ACSS3: variants seen among roughly 807,000 people sequenced by gnomAD.
ACSS3 encodes the protein acyl-CoA synthetase short-chain family member 3, mitochondrial.
In ACSS3, 64 loss-of-function variants were observed where a neutral mutation model predicts 84.2. The observed-to-expected ratio is 0.76, with a 90% CI of 0.62 to 0.94. The LOEUF is 0.94. Among genes scored for constraint, ACSS3 ranks in the 40% least tolerant of loss-of-function variants. The pLI is 0.00. For synonymous variants in ACSS3, 317 were observed against 310.1 expected (o/e 1.02, Z -0.23); for missense variants, 815 against 867.6 (o/e 0.94, Z 0.76).
chr12:81,225,935 T>C (rs2033259601), intron 11 of ACSS3, among the ~76,000 whole-genome samples: 2 of 151,864 alleles, frequency 1.3e-5, no homozygotes, highest in Admixed American at 6.6e-5. Flanking sequence ...ATCCTCTCTC[T>C]CCACTGGCTA....
intron 13 of ACSS3, among the ~76,000 whole-genome samples, chr12:81,251,041 C>T (rs1408437877): frequency 6.6e-6 from 1 of 152,152 alleles, no homozygotes; most frequent in Non-Finnish European, 1.5e-5. Context: ...GTCACCCACT[C>T]TCAACAATTC....
At chr12:81,165,798 AT>A (rs1887375079) in intron 7 of ACSS3, among the ~76,000 whole-genome samples, 1 of 152,196 alleles carries the variant, frequency 6.6e-6, no homozygotes, top group Admixed American at 6.5e-5. Flanking sequence ...TAACTCTTGC[AT>A]GCTGGCTTAA....
At chr12:81,181,435 T>G (rs952899386) in intron 8 of ACSS3, among the ~76,000 whole-genome samples, 7 of 152,140 alleles carry the variant, frequency 4.6e-5, no homozygotes, top group African/African-American at 1.7e-4. Flanking sequence ...AAGAGGAGAC[T>G]GTACCAGAAG....
intron 1 of ACSS3, among the ~76,000 whole-genome samples, chr12:81,100,260 T>C (rs1277433666): frequency 2.1e-5 from 3 of 144,136 alleles, no homozygotes; most frequent in Non-Finnish European, 4.5e-5. Context: ...CTTGCCATGT[T>C]GCCCAGGCTG....
intron 1 of ACSS3, among the ~76,000 whole-genome samples, chr12:81,093,957 C>T (rs1881846814): frequency 6.6e-6 from 1 of 151,784 alleles, no homozygotes; most frequent in Non-Finnish European, 1.5e-5. Context: ...CATTTTTTTT[C>T]ACTTGTAAGA....
Position 81,119,065 on chromosome 12 carries a change from T to C in ACSS3, c.456+9361T>C, listed in dbSNP as rs558219404. ...CGATCTGAGAAATAAAGAGAAAGAGTACAAAGAGAGGAATTTTACAGCCGG... is the reference window on the plus strand; with the variant it reads ...CGATCTGAGAAATAAAGAGAAAGAGCACAAAGAGAGGAATTTTACAGCCGG... On this transcript the variant is annotated intron_variant, in intron 2 of 15. Transcript: ENST00000548058. Among the ~76,000 whole-genome samples, 120 of 151,720 alleles carry C rather than the reference T, an allele frequency of 7.9e-4. 1 individual carries two copies. Among genetic ancestry groups the C allele is most frequent in the Admixed American group, 2.0e-3 (30 of 15,226 alleles).
chr12:81,139,635 A>AATAATAATT (rs754196810), intron 4 of ACSS3, among the ~76,000 whole-genome samples: 1 of 145,854 alleles, frequency 6.9e-6, no homozygotes. Flanking sequence ...TAATAATAAT[A>AATAATAATT]ATTATTGTTA....
intron 5 of ACSS3, among the ~76,000 whole-genome samples, chr12:81,147,006 A>C (rs1480163582): frequency 2.0e-5 from 3 of 152,168 alleles, no homozygotes; most frequent in African/African-American, 7.2e-5. Flanking sequence ...CCAGAAAAAA[A>C]AAAGAGTGAA....
chr12:81,095,794 C>T (rs1396555825), intron 1 of ACSS3, among the ~76,000 whole-genome samples: 1 of 152,158 alleles, frequency 6.6e-6, no homozygotes, highest in Non-Finnish European at 1.5e-5. Context: ...GACAATCTGG[C>T]TAGAGATGGT....
rs918625960 is a variant in ACSS3, at chr12:81,258,931, T to C, written c.*4009T>C. 4 of 152,114 alleles carry C rather than the reference T, an allele frequency of 2.6e-5. No individual in the cohort carries two copies. Among genetic ancestry groups the C allele is most frequent in the African/African-American group, 9.7e-5 (4 of 41,432 alleles). The allele number at this position is 152,114 out of a possible 1,614,324, so 9.4% of individuals were successfully genotyped here. ...TTTTTTAATATAAATTTTTAAATAA[T>C]TGCTTTTGACCCTTGTAAACAGCTT... is the stretch of plus-strand genomic sequence containing the variant. On this transcript the variant is annotated 3_prime_UTR_variant, in exon 16 of 16. Coordinates refer to ENST00000548058, the MANE Select transcript of ACSS3 (RefSeq NM_024560.4).
intron 1 of ACSS3, among the ~76,000 whole-genome samples, chr12:81,091,387 T>C (rs1242205407): frequency 1.3e-5 from 2 of 152,122 alleles, no homozygotes; most frequent in East Asian, 3.9e-4. Flanking sequence ...TAAAAGCCTA[T>C]CTTGATCTGT....
intron 8 of ACSS3, among the ~76,000 whole-genome samples, chr12:81,188,950 T>A (rs528940817): frequency 1.4e-4 from 22 of 152,194 alleles, no homozygotes; most frequent in Middle Eastern, 6.8e-3. Context: ...TTTATTCTCC[T>A]AGCATTTTTC....
At chr12:81,240,721 CTTG>C (rs2033771195) in intron 13 of ACSS3, among the ~76,000 whole-genome samples, 1 of 151,890 alleles carries the variant, frequency 6.6e-6, no homozygotes. Context: ...CTTCTTTTAA[CTTG>C]TTGTGGTGGT....
chr12:81,111,353 C>T (rs1354897483), intron 2 of ACSS3, among the ~76,000 whole-genome samples: 1 of 152,086 alleles, frequency 6.6e-6, no homozygotes, highest in Non-Finnish European at 1.5e-5. Flanking sequence ...GTTCAAGAGG[C>T]CAAAGAAGAG....
intron 7 of ACSS3, among the ~76,000 whole-genome samples, chr12:81,152,551 C>T (rs539037006): frequency 5.5e-4 from 83 of 152,134 alleles, no homozygotes; most frequent in Non-Finnish European, 9.6e-4. Context: ...ATAGACTGAC[C>T]AGATTTATAC....
At position 81,082,407 on chromosome 12, in the gene ACSS3, A is replaced by G. The variant is rs113466540; in HGVS notation, c.311+3976A>G. 5.2e-3 allele frequency among the ~76,000 whole-genome samples: 787 copies of G among 152,330 alleles called. 4 individuals are homozygous for G. The highest frequency in any genetic ancestry group is 0.014 in the African/African-American group (571 of 41,576). On this transcript the variant is annotated intron_variant, in intron 1 of 15. Coordinates refer to ENST00000548058, the MANE Select transcript of ACSS3 (RefSeq NM_024560.4). ...TGGGGGATATGATACTGTCTTCTTT[A>G]GAAGGATCATGAGAGGGGTCTAGAG...
intron 7 of ACSS3, among the ~76,000 whole-genome samples, chr12:81,167,800 A>T (rs1887473153): frequency 6.6e-6 from 1 of 152,174 alleles, no homozygotes; most frequent in Non-Finnish European, 1.5e-5. Flanking sequence ...TATCTTCAAA[A>T]ATAATAGATT....
chr12:81,230,914 A>G, intron 11 of ACSS3, 143 bp from the exon 12 acceptor site: 1 of 672,154 alleles, frequency 1.5e-6, no homozygotes, highest in Middle Eastern at 4.1e-4. Flanking sequence ...GTTAGACATG[A>G]TCTGTCCAGC....
chr12:81,237,988 G>GGTTT (rs1250582726), intron 13 of ACSS3, among the ~76,000 whole-genome samples: 2 of 151,598 alleles, frequency 1.3e-5, no homozygotes, highest in Non-Finnish European at 2.9e-5. Context: ...GTAAGCTCTA[G>GGTTT]GTTTGTTTGT....
Sources: gnomAD v4.1 joint callset for allele counts (sites outside exome capture counted in the v4.1 genomes callset) on GRCh38, gnomAD v4.1.1 for gene constraint, MANE v1.5 for transcripts, NCBI Gene and HGNC (gene_info 2026-07-23, HGNC 2026-07-21) for gene names.